TMEM232: variants seen among roughly 807,000 people sequenced by gnomAD.
TMEM232 encodes transmembrane protein 232.
In TMEM232, 80 loss-of-function variants were observed where a neutral mutation model predicts 78.8. The observed-to-expected ratio is 1.01, with a 90% CI of 0.85 to 1.22. The LOEUF (loss-of-function observed/expected upper bound fraction) is 1.22, where lower values mean the gene tolerates loss of function less well. TMEM232 is among the 50% of genes most tolerant of loss of function. The probability of loss-of-function intolerance (pLI) is 0.00; values close to 1 mark genes in which losing one functional copy is unlikely to be tolerated. For synonymous variants in TMEM232, 297 were observed against 254.3 expected (o/e 1.17, Z -1.60); for missense variants, 881 against 742.2 (o/e 1.19, Z -2.17).
intron 10 of TMEM232, among the ~76,000 whole-genome samples, chr5:110,599,581 C>T (rs569892545): frequency 7.2e-5 from 11 of 152,212 alleles, no homozygotes; most frequent in African/African-American, 2.2e-4. Context: ...AATGGCATTA[C>T]ATAATGGTAA....
At position 110,670,440 on chromosome 5, in the gene TMEM232, T is replaced by C. The variant is rs1236705633; in HGVS notation, c.-12-3076A>G. On this transcript the variant is annotated intron_variant, in intron 1 of 13. Transcript: ENST00000455884. ...CAACTTACAAGGGATGTGAAGGACC[T>C]CTTCAATGAGAACTACAAACCACTG... 2.6e-5 allele frequency among the ~76,000 whole-genome samples: 4 copies of C among 152,266 alleles called. 1 individual carries two copies. The East Asian group carries it at 7.7e-4, about 29-fold the overall frequency.
At chr5:110,709,106 T>C (rs1168336441) in intron 1 of TMEM232, among the ~76,000 whole-genome samples, 1 of 150,842 alleles carries the variant, frequency 6.6e-6, no homozygotes, top group African/African-American at 2.4e-5. Flanking sequence ...CAAAATAGAG[T>C]TCAAGACAAA....
intron 1 of TMEM232, among the ~76,000 whole-genome samples, chr5:110,680,969 G>T (rs1399528470): frequency 6.6e-6 from 1 of 152,076 alleles, no homozygotes; most frequent in Admixed American, 6.6e-5. Context: ...GGGGTAAAGA[G>T]AGAGGGAAAA....
At chr5:110,403,687 G>A (rs1260427546) in intron 2 of TMEM232, among the ~76,000 whole-genome samples, 5 of 151,982 alleles carry the variant, frequency 3.3e-5, no homozygotes, top group African/African-American at 1.2e-4. Flanking sequence ...ATCTAGTTGA[G>A]TTTCATATAT....
chr5:110,579,337 C>T (rs1299485637), intron 10 of TMEM232, among the ~76,000 whole-genome samples: 2 of 149,210 alleles, frequency 1.3e-5, no homozygotes, highest in Non-Finnish European at 3.0e-5. Context: ...TGCCTTACAA[C>T]AAATCCTAAA....
intron 10 of TMEM232, among the ~76,000 whole-genome samples, chr5:110,594,227 A>G (rs999900719): frequency 2.0e-5 from 3 of 151,986 alleles, no homozygotes; most frequent in African/African-American, 7.2e-5. Context: ...TTCCCTAGCC[A>G]GGAGAAGCCC....
At chr5:110,620,617 C>G (rs1783541825) in intron 7 of TMEM232, among the ~76,000 whole-genome samples, 1 of 135,184 alleles carries the variant, frequency 7.4e-6, no homozygotes, top group Non-Finnish European at 1.6e-5. Context: ...CTCTCTCTCT[C>G]TCTCTCTCTC....
intron 2 of TMEM232, among the ~76,000 whole-genome samples, chr5:110,406,650 C>T (rs1248466747): frequency 2.0e-5 from 3 of 151,992 alleles, no homozygotes; most frequent in Non-Finnish European, 4.4e-5. Flanking sequence ...AAGGTATGAA[C>T]CCACTGGTAA....
intron 2 of TMEM232, among the ~76,000 whole-genome samples, chr5:110,407,742 T>C (rs1019651425): frequency 9.2e-5 from 14 of 152,122 alleles, no homozygotes; most frequent in Non-Finnish European, 1.8e-4. Flanking sequence ...CATCACCACA[T>C]GGAACATTTT....
intron 11 of TMEM232, among the ~76,000 whole-genome samples, chr5:110,551,475 A>T (rs1581183123): frequency 6.6e-6 from 1 of 151,590 alleles, no homozygotes; most frequent in African/African-American, 2.4e-5. Context: ...CACCCGCCTC[A>T]GCCTCCCAAA....
At chr5:110,477,157 C>T (rs758519688) in intron 12 of TMEM232, among the ~76,000 whole-genome samples, 1 of 151,970 alleles carries the variant, frequency 6.6e-6, no homozygotes, top group Non-Finnish European at 1.5e-5. Context: ...CAACTGAATA[C>T]ATACCACTAT....
intron 10 of TMEM232, among the ~76,000 whole-genome samples, chr5:110,592,500 C>G (rs1011187072): frequency 2.0e-5 from 3 of 152,084 alleles, no homozygotes; most frequent in Non-Finnish European, 4.4e-5. Context: ...TTTCATATAT[C>G]TATCCTCTTT....
chr5:110,516,446 C>T (rs995512088), intron 12 of TMEM232, among the ~76,000 whole-genome samples: 1 of 152,254 alleles, frequency 6.6e-6, no homozygotes, highest in East Asian at 1.9e-4. Flanking sequence ...ATTTGATCTT[C>T]ATAGTTCTAA....
At position 110,638,323 on chromosome 5, in the gene TMEM232, G is replaced by A; in HGVS notation, c.376C>T (p.His126Tyr). 1 of 1,548,944 alleles carries A rather than the reference G, an allele frequency of 6.5e-7. No homozygotes were observed. The highest frequency in any genetic ancestry group is 8.7e-7 in the Non-Finnish European group (1 of 1,145,962). The change falls in exon 5 of 14, where the codon CAT becomes TAT. Residue 126 changes from histidine to tyrosine, a missense_variant. By Grantham distance (83) the His-to-Tyr change is moderately conservative. Transcript: ENST00000455884. The stretch of plus-strand genomic sequence containing the variant: ...AGATGATCATAATCAAAGGAAGCAT[G>A]GTCCAGAGATGCATAAAGCATATTT... ...SLNMLYASLD[H>Y]ASFDYDHLPA...
chr5:110,398,877 TA>T (rs1193758034), intron 2 of TMEM232, among the ~76,000 whole-genome samples: 11 of 151,944 alleles, frequency 7.2e-5, no homozygotes, highest in Admixed American at 2.0e-4. Flanking sequence ...ATAAATAAGA[TA>T]GGGGGCAAGA....
chr5:110,539,547 C>A (rs1772833171), intron 11 of TMEM232, among the ~76,000 whole-genome samples: 1 of 152,140 alleles, frequency 6.6e-6, no homozygotes, highest in Non-Finnish European at 1.5e-5. Context: ...TACCTTTTCA[C>A]CTTTGAATGG....
chr5:110,532,122 A>G (rs563606226), intron 11 of TMEM232, among the ~76,000 whole-genome samples: 3 of 152,188 alleles, frequency 2.0e-5, no homozygotes, highest in South Asian at 2.1e-4. Context: ...ACAAGTGCCA[A>G]AAATCTGGCC....
intron 2 of TMEM232, among the ~76,000 whole-genome samples, chr5:110,666,307 G>GT (rs748278381): frequency 8.0e-4 from 122 of 152,072 alleles, no homozygotes; most frequent in Admixed American, 4.6e-3. Flanking sequence ...TTTAATCACT[G>GT]TATACATAAT....
intron 12 of TMEM232, among the ~76,000 whole-genome samples, chr5:110,513,414 A>T (rs999806117): frequency 6.6e-6 from 1 of 152,206 alleles, no homozygotes; most frequent in East Asian, 1.9e-4. Flanking sequence ...AATATTTAAA[A>T]TATGTAAGAA....
Sources: allele counts gnomAD v4.1 joint callset (sites outside exome capture counted in the v4.1 genomes callset), GRCh38; gene constraint gnomAD v4.1.1; transcripts MANE v1.5; gene names NCBI Gene and HGNC (gene_info 2026-07-23, HGNC 2026-07-21).